Variants in CSMD1 observed in about 807,000 individuals in gnomAD.
CSMD1 encodes the protein CUB and Sushi multiple domains 1, also known as CUB and sushi domain-containing protein 1.
A neutral mutation model predicts 417.5 loss-of-function variants in CSMD1; 213 were observed. The observed-to-expected ratio is 0.51, with a 90% CI of 0.46 to 0.57. CSMD1 has a LOEUF of 0.57. Among genes scored for constraint, CSMD1 ranks in the 20% least tolerant of loss-of-function variants. The probability of loss-of-function intolerance (pLI) is 0.00; values close to 1 mark genes in which losing one functional copy is unlikely to be tolerated. For missense variants in CSMD1, 6,923 were observed against 4,529.7 expected (o/e 1.53, Z -15.17); for synonymous variants, 2,862 against 1,736.8 (o/e 1.65, Z -16.11).
chr8:4,221,142 G>A (rs1017173444), intron 3 of CSMD1, among the ~76,000 whole-genome samples: 18 of 152,084 alleles, frequency 1.2e-4, no homozygotes, highest in African/African-American at 3.9e-4. Context: ...TGTAAAGAGC[G>A]GAGGAATATC....
intron 18 of CSMD1, among the ~76,000 whole-genome samples, chr8:3,381,750 A>C (rs1250117475): frequency 6.6e-6 from 1 of 152,204 alleles, no homozygotes; most frequent in African/African-American, 2.4e-5. Flanking sequence ...AAATAATACC[A>C]AAAAATGTAG....
intron 1 of CSMD1, among the ~76,000 whole-genome samples, chr8:4,867,628 T>G (rs1315135664): frequency 6.6e-6 from 1 of 152,070 alleles, no homozygotes; most frequent in East Asian, 1.9e-4. Flanking sequence ...TTAACTTTAT[T>G]ATGTCGCAAT....
chr8:4,261,976 T>C (rs1029199088), intron 3 of CSMD1, among the ~76,000 whole-genome samples: 1 of 152,198 alleles, frequency 6.6e-6, no homozygotes, highest in African/African-American at 2.4e-5. Context: ...ACCTGAAGTC[T>C]GTCATTTCCT....
At chr8:4,090,209 T>A (rs978183319) in intron 3 of CSMD1, among the ~76,000 whole-genome samples, 1 of 152,224 alleles carries the variant, frequency 6.6e-6, no homozygotes, top group East Asian at 1.9e-4. Flanking sequence ...ATGATTGTCT[T>A]AAAAAGTATT....
intron 12 of CSMD1, among the ~76,000 whole-genome samples, chr8:3,468,336 G>A (rs184361452): frequency 1.3e-5 from 2 of 152,248 alleles, no homozygotes; most frequent in East Asian, 3.9e-4. Context: ...ATAATTGTAA[G>A]TATTTTCAGA....
intron 4 of CSMD1, among the ~76,000 whole-genome samples, chr8:4,003,982 A>G (rs1308195501): frequency 1.3e-5 from 2 of 152,190 alleles, no homozygotes; most frequent in Admixed American, 6.5e-5. Context: ...ACATTCAGAG[A>G]CTCAGAAAAT....
At chr8:4,704,592 G>C (rs767494384) in intron 1 of CSMD1, among the ~76,000 whole-genome samples, 3 of 152,100 alleles carry the variant, frequency 2.0e-5, no homozygotes, top group Admixed American at 6.6e-5. Flanking sequence ...TAACCACATC[G>C]ATCAACTCTG....
chr8:4,420,392 G>C (rs996998199), intron 2 of CSMD1, among the ~76,000 whole-genome samples: 1 of 151,760 alleles, frequency 6.6e-6, no homozygotes, highest in East Asian at 1.9e-4. Flanking sequence ...GAATTTTTAA[G>C]TTATAGGGTA....
chr8:4,308,564 C>A (rs973035872), intron 3 of CSMD1, among the ~76,000 whole-genome samples: 4 of 152,182 alleles, frequency 2.6e-5, no homozygotes, highest in African/African-American at 9.6e-5. Flanking sequence ...GATATATCTT[C>A]CTGTGCTCTT....
At chr8:3,823,981 G>C (rs1311169919) in intron 5 of CSMD1, among the ~76,000 whole-genome samples, 1 of 152,042 alleles carries the variant, frequency 6.6e-6, no homozygotes, top group African/African-American at 2.4e-5. Context: ...AAATAGTTCT[G>C]AAACCTAATA....
At chr8:4,902,042 T>C (rs777477256) in intron 1 of CSMD1, among the ~76,000 whole-genome samples, 1 of 152,278 alleles carries the variant, frequency 6.6e-6, no homozygotes, top group South Asian at 2.1e-4. Flanking sequence ...TACTGTGGCT[T>C]TGGCTATATG....
At position 3,308,477 on chromosome 8, in the gene CSMD1, G is replaced by C; in HGVS notation, c.3658C>G (p.Pro1220Ala). 6.8e-6 allele frequency: 11 copies of C among 1,613,068 alleles called. No homozygotes were observed. The highest frequency in any genetic ancestry group is 9.3e-6 in the Non-Finnish European group (11 of 1,179,344). ...TSFDLVKCED[P>A]GIPNYGYRIR... ...CTATAGCCGTAGTTAGGGATGCCCG[G>C]ATCCTCACATTTTACCAGATCAAAA... The change falls in exon 24 of 70, where the codon CCG (proline) becomes GCG (alanine). Residue 1220 changes from proline to alanine, a missense_variant. Coordinates refer to ENST00000635120, the MANE Select transcript of CSMD1 (RefSeq NM_033225.6).
chr8:3,062,312 G>A (rs986094903), intron 49 of CSMD1, among the ~76,000 whole-genome samples: 6 of 152,140 alleles, frequency 3.9e-5, no homozygotes, highest in African/African-American at 1.4e-4. Context: ...GAGAGGAGGT[G>A]CAGTACGGAG....
chr8:4,262,196 A>G (rs1051722742), intron 3 of CSMD1, among the ~76,000 whole-genome samples: 1 of 152,094 alleles, frequency 6.6e-6, no homozygotes, highest in Non-Finnish European at 1.5e-5. Flanking sequence ...TCTTGGGTGA[A>G]TTTCAGCCTG....
At chr8:4,786,369 G>T (rs550595978) in intron 1 of CSMD1, among the ~76,000 whole-genome samples, 2 of 152,176 alleles carry the variant, frequency 1.3e-5, no homozygotes, top group Non-Finnish European at 2.9e-5. Flanking sequence ...GATTAAAATG[G>T]CAGGTGCAGA....
intron 3 of CSMD1, among the ~76,000 whole-genome samples, chr8:4,352,436 C>CA (rs1442767535): frequency 6.6e-6 from 1 of 151,914 alleles, no homozygotes; most frequent in African/African-American, 2.4e-5. Context: ...CTTTTCAACT[C>CA]AAAAAAATCT....
intron 38 of CSMD1, among the ~76,000 whole-genome samples, chr8:3,161,807 G>C (rs1819916204): frequency 6.6e-6 from 1 of 152,092 alleles, no homozygotes; most frequent in South Asian, 2.1e-4. Flanking sequence ...CAGGGTAGCA[G>C]GTGCACATAC....
At chr8:3,317,985 A>G (rs1805888135) in intron 23 of CSMD1, among the ~76,000 whole-genome samples, 1 of 152,072 alleles carries the variant, frequency 6.6e-6, no homozygotes, top group Non-Finnish European at 1.5e-5. Flanking sequence ...TAATATTTGT[A>G]TCTTTTGTAG....
At chr8:4,764,266 A>G (rs886481328) in intron 1 of CSMD1, among the ~76,000 whole-genome samples, 1 of 152,220 alleles carries the variant, frequency 6.6e-6, no homozygotes, top group African/African-American at 2.4e-5. Flanking sequence ...TATATTCTCT[A>G]TAATATTGGG....
Sources: gnomAD v4.1 joint callset for allele counts (sites outside exome capture counted in the v4.1 genomes callset) on GRCh38, gnomAD v4.1.1 for gene constraint, MANE v1.5 for transcripts, NCBI Gene and HGNC (gene_info 2026-07-23, HGNC 2026-07-21) for gene names.